The following CSMD2 variants were observed in gnomAD, a reference collection of about 807,000 sequenced individuals.
The protein encoded by CSMD2 is CUB and sushi domain-containing protein 2.
A neutral mutation model predicts 398.5 loss-of-function variants in CSMD2; 130 were observed. The ratio of observed to expected loss-of-function variants is 0.33; its 90% CI spans 0.28 to 0.38. The LOEUF is 0.38. Ranked by LOEUF, CSMD2 falls within the 10% of genes least tolerant of loss-of-function variation. The pLI is 1.00. For synonymous variants in CSMD2, 1,828 were observed against 1,908.5 expected (o/e 0.96, Z 1.10); for missense variants, 3,829 against 4,764.9 (o/e 0.80, Z 5.78).
At chr1:33,556,458 T>C (rs1657983783) in intron 55 of CSMD2, among the ~76,000 whole-genome samples, 2 of 152,210 alleles carry the variant, frequency 1.3e-5, no homozygotes, top group South Asian at 4.1e-4. Context: ...GTAGGTGGAC[T>C]GCTGCATGGC....
chr1:33,974,944 T>C (rs6671099), intron 3 of CSMD2, among the ~76,000 whole-genome samples: 10,566 of 152,274 alleles, frequency 0.069, 616 homozygotes, highest in East Asian at 0.19. Context: ...GGGTACTCTA[T>C]GGACGGAACA....
intron 1 of CSMD2, among the ~76,000 whole-genome samples, chr1:34,146,941 A>G (rs934416226): frequency 6.6e-6 from 1 of 152,170 alleles, no homozygotes; most frequent in Non-Finnish European, 1.5e-5. Context: ...GGACAGTGGC[A>G]TGAAAGCCAT....
chr1:34,162,819 A>G (rs1429398737), intron 1 of CSMD2, among the ~76,000 whole-genome samples: 1 of 152,204 alleles, frequency 6.6e-6, no homozygotes, highest in East Asian at 1.9e-4. Flanking sequence ...AGACCGCGCC[A>G]TTGCACTCCA....
intron 5 of CSMD2, among the ~76,000 whole-genome samples, chr1:33,864,962 AG>A: frequency 1.1e-5 from 1 of 89,328 alleles, no homozygotes; most frequent in Non-Finnish European, 2.2e-5. Flanking sequence ...AGAGAGGGGA[AG>A]GGAAGGGAAA....
rs138278303 is a variant in CSMD2, at chr1:33,793,468, C to T, written c.1447-942G>A. 3.0e-3 allele frequency among the ~76,000 whole-genome samples: 461 copies of T among 152,264 alleles called. 5 individuals are homozygous for T. The highest frequency in any genetic ancestry group is 7.5e-3 in the Admixed American group (115 of 15,304). Reference sequence around the variant, plus strand: ...GAACATACCTGCTAGCTGCCTGGCTCTCGGGGATAATGTGACTGGGCCTTC... The same window carrying T: ...GAACATACCTGCTAGCTGCCTGGCTTTCGGGGATAATGTGACTGGGCCTTC... On this transcript the variant is annotated intron_variant, in intron 10 of 70. Transcript: ENST00000373381.
chr1:34,013,153 G>A (rs1647597305), intron 3 of CSMD2, among the ~76,000 whole-genome samples: 1 of 152,220 alleles, frequency 6.6e-6, no homozygotes, highest in South Asian at 2.1e-4. Flanking sequence ...GGGGAGGGCT[G>A]CTTTGAAAGC....
Position 33,569,669 on chromosome 1 carries a change from C to T in CSMD2, c.7958-122G>A, listed in dbSNP as rs192017426. On this transcript the variant is annotated intron_variant, in intron 51 of 70. Coordinates refer to ENST00000373381, the MANE Select transcript of CSMD2 (RefSeq NM_001281956.2). ...AACCTTACTCTGCTGGAATTCCTGACCAGAATATGGGTTGTGTTGCTGACT... is the reference window on the plus strand; with the variant it reads ...AACCTTACTCTGCTGGAATTCCTGATCAGAATATGGGTTGTGTTGCTGACT... The T allele has an allele frequency of 8.2e-6, 8 of 974,800 alleles. No homozygotes were observed. In the East Asian group the frequency reaches 2.1e-4, roughly 26 times the overall value. The allele number at this position is 974,800 out of a possible 1,614,324, so 60.4% of individuals were successfully genotyped here.
At chr1:33,576,311 C>G (rs573474555) in intron 49 of CSMD2, among the ~76,000 whole-genome samples, 1 of 152,182 alleles carries the variant, frequency 6.6e-6, no homozygotes, top group East Asian at 1.9e-4. Flanking sequence ...ACAATAGAGT[C>G]CAGGCGCGGT....
rs1445587298 is a variant in CSMD2, at chr1:33,652,366, C to T, written c.4543G>A (p.Val1515Met). The change falls in exon 28 of 71, where the codon GTG (valine) becomes ATG (methionine). Residue 1515 changes from valine to methionine, a missense_variant. Transcript: ENST00000373381. ...YPPGKECDWKVTVSPDYVIAL... is the reference protein window; with the variant it reads ...YPPGKECDWKMTVSPDYVIAL... ...ATGACGTAGTCTGGTGAGACGGTCA[C>T]TTTCCAGTCACACTCCTTGCCTGGC... The T allele has an allele frequency of 1.2e-6, 2 of 1,614,192 alleles. No homozygotes were observed. The highest frequency in any genetic ancestry group is 1.7e-6 in the Non-Finnish European group (2 of 1,180,020).
chr1:34,148,251 C>T (rs1639965395), intron 1 of CSMD2, among the ~76,000 whole-genome samples: 1 of 152,106 alleles, frequency 6.6e-6, no homozygotes, highest in African/African-American at 2.4e-5. Context: ...GCTTTCAAAC[C>T]AAAGATTTCA....
At chr1:33,674,836 A>T (rs1220763753) in intron 25 of CSMD2, among the ~76,000 whole-genome samples, 1 of 152,250 alleles carries the variant, frequency 6.6e-6, no homozygotes, top group Non-Finnish European at 1.5e-5. Flanking sequence ...ATGGAAACTG[A>T]ACAATCTGCT....
At chr1:33,826,057 A>G (rs1466986036) in intron 6 of CSMD2, among the ~76,000 whole-genome samples, 1 of 152,198 alleles carries the variant, frequency 6.6e-6, no homozygotes, top group Non-Finnish European at 1.5e-5. Flanking sequence ...GGCCTCTCAC[A>G]GATGTCTGAG....
intron 32 of CSMD2, among the ~76,000 whole-genome samples, chr1:33,630,965 TA>T (rs1642433342): frequency 6.6e-6 from 1 of 150,708 alleles, no homozygotes; most frequent in Admixed American, 6.6e-5. Flanking sequence ...ACAGAGAAAA[TA>T]ATGAACAGAG....
chr1:33,792,123 G>T (rs565803792), intron 11 of CSMD2, among the ~76,000 whole-genome samples: 3 of 152,238 alleles, frequency 2.0e-5, no homozygotes, highest in Non-Finnish European at 4.4e-5. Context: ...AGGTCTGCAT[G>T]GAAGCAGCCA....
At chr1:34,061,321 C>T (rs1248200914) in intron 2 of CSMD2, among the ~76,000 whole-genome samples, 2 of 152,218 alleles carry the variant, frequency 1.3e-5, no homozygotes, top group African/African-American at 2.4e-5. Context: ...GACCACAAGG[C>T]AGACTGTGCT....
At chr1:34,080,391 T>C (rs960513837) in intron 2 of CSMD2, among the ~76,000 whole-genome samples, 1 of 152,036 alleles carries the variant, frequency 6.6e-6, no homozygotes. Context: ...AACTGAATGA[T>C]ATTAATAACA....
chr1:34,162,935 G>A (rs1416964216), intron 1 of CSMD2, among the ~76,000 whole-genome samples: 2 of 152,086 alleles, frequency 1.3e-5, no homozygotes, highest in Non-Finnish European at 2.9e-5. Flanking sequence ...AGGGCCTGCC[G>A]GAGAGGAACT....
At chr1:34,125,477 T>C (rs988861266) in intron 1 of CSMD2, among the ~76,000 whole-genome samples, 24 of 150,580 alleles carry the variant, frequency 1.6e-4, no homozygotes, top group African/African-American at 5.9e-4. Flanking sequence ...CATGCACAGA[T>C]GGTGCAAGCA....
intron 1 of CSMD2, among the ~76,000 whole-genome samples, chr1:34,143,954 C>A (rs1490717967): frequency 6.6e-6 from 1 of 152,184 alleles, no homozygotes; most frequent in Non-Finnish European, 1.5e-5. Context: ...TAACAATCCA[C>A]CTAGTTGAAA....
Sources: gnomAD v4.1 joint callset for allele counts (sites outside exome capture counted in the v4.1 genomes callset) on GRCh38, gnomAD v4.1.1 for gene constraint, MANE v1.5 for transcripts, NCBI Gene and HGNC (gene_info 2026-07-23, HGNC 2026-07-21) for gene names.